Variants in SPARC observed in about 807,000 individuals in gnomAD.
SPARC encodes the protein basement-membrane protein 40.
A neutral mutation model predicts 37.7 loss-of-function variants in SPARC; 23 were observed. That is an observed-to-expected ratio of 0.61 (90% CI 0.44 to 0.87). The LOEUF (loss-of-function observed/expected upper bound fraction) is 0.87. Among genes scored for constraint, SPARC ranks in the 40% least tolerant of loss-of-function variants. SPARC has a pLI of 0.00. For synonymous variants in SPARC, 155 were observed against 150.8 expected, an observed-to-expected ratio of 1.03 and a Z score of -0.20; for missense variants, 312 against 389.0, an observed-to-expected ratio of 0.80 and a Z score of 1.66.
chr5:151,679,734 G>C (rs575614805), intron 1 of SPARC: 1 of 152,236 alleles, frequency 6.6e-6, no homozygotes, highest in African/African-American at 2.4e-5. Flanking sequence ...CTCTGAGGAT[G>C]GAAAAGTACA....
intron 7 of SPARC, 78 bp downstream of exon 7, chr5:151,667,389 G>A: frequency 6.4e-7 from 1 of 1,570,438 alleles, no homozygotes; most frequent in Non-Finnish European, 8.8e-7. Flanking sequence ...ATGCCGCCCT[G>A]CAGCTGGGGG....
Position 151,667,436 on chromosome 5 carries a change from C to T in SPARC, c.585+31G>A, listed in dbSNP as rs756574041. Reference sequence around the variant, plus strand: ...GAATGGGACTGGATCTTCACCAGCACGGGGCCAGCAAGGCCAGAGAGACCA... The same window carrying T: ...GAATGGGACTGGATCTTCACCAGCATGGGGCCAGCAAGGCCAGAGAGACCA... On this transcript the variant is annotated intron_variant, in intron 7 of 9. Transcript: ENST00000231061. 2.0e-5 allele frequency: 33 copies of T among 1,613,664 alleles called. No individual in the cohort carries two copies. In the South Asian group the frequency reaches 2.4e-4, roughly 12 times the overall value.
intron 7 of SPARC, among the ~76,000 whole-genome samples, chr5:151,667,093 A>G (rs2113087356): frequency 6.6e-6 from 1 of 152,334 alleles, no homozygotes; most frequent in Non-Finnish European, 1.5e-5. Flanking sequence ...TGCTTTCTAG[A>G]GACACTGTTT....
chr5:151,671,490 C>T lies in SPARC; in HGVS notation c.330+83G>A, dbSNP rs963914947. ...AGACTGGCACTGCCCCATAGAACCACCAAGCCAACAGTTTCCTGAGCAGAC... is the reference window on the plus strand; with the variant it reads ...AGACTGGCACTGCCCCATAGAACCATCAAGCCAACAGTTTCCTGAGCAGAC... On this transcript the variant is annotated intron_variant, in intron 5 of 9. Transcript: ENST00000231061. 2.4e-5 allele frequency: 36 copies of T among 1,474,550 alleles called. No homozygotes were observed. The East Asian group carries it at 7.5e-4, about 31-fold the overall frequency. The allele number at this position is 1,474,550 out of a possible 1,614,324, so 91.3% of individuals were successfully genotyped here. A position where few individuals can be genotyped will look rare whatever the true frequency, so the allele number is the denominator to read the frequency against.
At chr5:151,676,304 TTAAATGA>T in intron 1 of SPARC, 103 bp from the exon 2 acceptor site, 1 of 757,274 alleles carries the variant, frequency 1.3e-6, no homozygotes, top group Non-Finnish European at 2.2e-6. Context: ...ATGGTACAAG[TTAAATGA>T]TAGTGAAAAA....
chr5:151,681,311 C>T (rs754065134), intron 1 of SPARC, among the ~76,000 whole-genome samples: 5 of 152,186 alleles, frequency 3.3e-5, no homozygotes, highest in Non-Finnish European at 5.9e-5. Flanking sequence ...GGAGCAGACA[C>T]AGCAGCTCAG....
In SPARC at chr5:151,663,398, T is replaced by C; in HGVS notation, c.*173A>G. On this transcript the variant is annotated 3_prime_UTR_variant, in exon 10 of 10. Coordinates refer to ENST00000231061, the MANE Select transcript of SPARC (RefSeq NM_003118.4). Reference sequence around the variant, plus strand: ...TTAATAGTTAAGTTACAGCTAAGAATGTCATGTCTTGGGTTAGAATTTTCA... The same window carrying C: ...TTAATAGTTAAGTTACAGCTAAGAACGTCATGTCTTGGGTTAGAATTTTCA... 1.5e-6 allele frequency: 1 copy of C among 656,844 alleles called. No individual in the cohort carries two copies. The highest frequency in any genetic ancestry group is 2.7e-6 in the Non-Finnish European group (1 of 369,874). The allele number at this position is 656,844 out of a possible 1,614,324, so 40.7% of individuals were successfully genotyped here.
At chr5:151,673,463 A>T (rs1436633098) in intron 3 of SPARC, among the ~76,000 whole-genome samples, 1 of 152,204 alleles carries the variant, frequency 6.6e-6, no homozygotes, top group East Asian at 1.9e-4. Context: ...CACTAAGCTA[A>T]GGGGAAAAGT....
chr5:151,675,314 G>T (rs1013361338), intron 2 of SPARC, among the ~76,000 whole-genome samples: 1 of 152,144 alleles, frequency 6.6e-6, no homozygotes, highest in African/African-American at 2.4e-5. Flanking sequence ...GAAAGAAATT[G>T]CACTTTTTGC....
At chr5:151,666,779 C>T (rs890954677) in intron 7 of SPARC, among the ~76,000 whole-genome samples, 1 of 152,236 alleles carries the variant, frequency 6.6e-6, no homozygotes, top group Non-Finnish European at 1.5e-5. Context: ...AATCCCAGCG[C>T]TTTGGGAGGC....
At chr5:151,680,216 C>CTTTTT (rs58021431) in intron 1 of SPARC, among the ~76,000 whole-genome samples, 10,294 of 62,084 alleles carry the variant, frequency 0.17, 2,368 homozygotes, top group Non-Finnish European at 0.21. Flanking sequence ...TGGAAAACAT[C>CTTTTT]TTTTTTTTTT....
intron 1 of SPARC, among the ~76,000 whole-genome samples, chr5:151,681,348 G>C (rs1760982850): frequency 6.6e-6 from 1 of 152,206 alleles, no homozygotes; most frequent in Non-Finnish European, 1.5e-5. Context: ...TGGAAGTCAG[G>C]AGAGCTGAGA....
At chr5:151,673,039 G>A (rs2113099688) in intron 4 of SPARC, 90 bp downstream of exon 4, 1 of 886,846 alleles carries the variant, frequency 1.1e-6, no homozygotes, top group Admixed American at 1.7e-5. Context: ...CATTTCTGCT[G>A]GAAGGAGCCT....
chr5:151,664,326 G>T lies in SPARC; in HGVS notation c.735-91C>A, dbSNP rs904401321. 5.1e-5 allele frequency: 61 copies of T among 1,191,142 alleles called. No homozygotes were observed. In the African/African-American group the frequency reaches 8.0e-4, roughly 16 times the overall value. 73.8% of individuals were successfully genotyped at this position (1,191,142 alleles called of 1,614,324 possible). On this transcript the variant is annotated intron_variant, in intron 8 of 9. Coordinates refer to ENST00000231061, the MANE Select transcript of SPARC (RefSeq NM_003118.4). ...AACCGGGGAGTTAGCCTGCCCCAGA[G>T]CATGGAGGAAAGGATATTTAAAGCA...
At chr5:151,678,656 G>C (rs1030335264) in intron 1 of SPARC, among the ~76,000 whole-genome samples, 9 of 152,174 alleles carry the variant, frequency 5.9e-5, no homozygotes, top group African/African-American at 2.2e-4. Flanking sequence ...ATAGGCAAGC[G>C]TTCTCACTCA....
chr5:151,662,068 G>A lies in SPARC; in HGVS notation c.*1503C>T, dbSNP rs1050170806. ...CTACTTTGCCATAACTGTGTCCCCA[G>A]TGCTTGGCATGGGACCTGGTGCAGA... On this transcript the variant is annotated 3_prime_UTR_variant, in exon 10 of 10. Coordinates refer to ENST00000231061, the MANE Select transcript of SPARC (RefSeq NM_003118.4). 1 of 152,584 alleles carries A rather than the reference G, an allele frequency of 6.6e-6. No individual in the cohort carries two copies. Among genetic ancestry groups the A allele is most frequent in the Non-Finnish European group, 1.5e-5 (1 of 68,042 alleles). The allele number at this position is 152,584 out of a possible 1,614,324, so 9.5% of individuals were successfully genotyped here.
chr5:151,670,705 G>A (rs920637330), intron 5 of SPARC, among the ~76,000 whole-genome samples: 3 of 152,214 alleles, frequency 2.0e-5, no homozygotes, highest in Non-Finnish European at 4.4e-5. Context: ...GCTGTGTTAG[G>A]AGGAGGGGAG....
At chr5:151,664,488 G>A (rs865870291) in intron 8 of SPARC, among the ~76,000 whole-genome samples, 5 of 152,108 alleles carry the variant, frequency 3.3e-5, no homozygotes, top group African/African-American at 9.7e-5. Context: ...AATTACTAAC[G>A]GCCCTTCCAG....
chr5:151,672,968 G>T, intron 4 of SPARC, 161 bp downstream of exon 4: 1 of 644,320 alleles, frequency 1.6e-6, no homozygotes, highest in Non-Finnish European at 2.8e-6. Flanking sequence ...GAGTGCCACA[G>T]TTTCCCACTT....
Sources: gnomAD v4.1 joint callset for allele counts (sites outside exome capture counted in the v4.1 genomes callset) on GRCh38, gnomAD v4.1.1 for gene constraint, MANE v1.5 for transcripts, NCBI Gene and HGNC (gene_info 2026-07-23, HGNC 2026-07-21) for gene names.